The following CDKAL1 variants were observed in gnomAD, a reference collection of about 807,000 sequenced individuals.
The protein encoded by CDKAL1 is CDKAL1 threonylcarbamoyladenosine tRNA methylthiotransferase, also known as threonylcarbamoyladenosine tRNA methylthiotransferase.
CDKAL1 carries 32 observed loss-of-function variants against 68.2 expected under a neutral mutation model. The observed-to-expected ratio is 0.47, with a 90% confidence interval of 0.35 to 0.63. The LOEUF is 0.63. Ranked by LOEUF, CDKAL1 falls within the 30% of genes least tolerant of loss-of-function variation. The probability of loss-of-function intolerance (pLI) is 0.00; values close to 1 mark genes in which losing one functional copy is unlikely to be tolerated. For synonymous variants in CDKAL1, 234 were observed against 244.3 expected (o/e 0.96, Z 0.39); for missense variants, 606 against 696.7 (o/e 0.87, Z 1.47).
intron 8 of CDKAL1, among the ~76,000 whole-genome samples, chr6:20,837,211 A>G (rs1777985538): frequency 6.6e-6 from 1 of 152,214 alleles, no homozygotes; most frequent in African/African-American, 2.4e-5. Flanking sequence ...GACCCAAACA[A>G]TTTAAGTTTT....
chr6:20,821,605 A>G (rs956745900), intron 8 of CDKAL1, among the ~76,000 whole-genome samples: 2 of 131,156 alleles, frequency 1.5e-5, no homozygotes, highest in African/African-American at 3.0e-5. Flanking sequence ...GGATTTTTCT[A>G]TTTTGCTCTG....
At chr6:21,023,144 C>G (rs139728281) in intron 11 of CDKAL1, among the ~76,000 whole-genome samples, 2 of 141,338 alleles carry the variant, frequency 1.4e-5, no homozygotes, top group East Asian at 4.1e-4. Context: ...TTTTTTTTTA[C>G]CATTAGCCTT....
At chr6:21,087,533 G>C (rs577023180) in intron 12 of CDKAL1, among the ~76,000 whole-genome samples, 3 of 152,108 alleles carry the variant, frequency 2.0e-5, no homozygotes, top group African/African-American at 7.2e-5. Flanking sequence ...GGGTGTACAA[G>C]CTAGGACACC....
chr6:20,832,610 C>G (rs925964811), intron 8 of CDKAL1, among the ~76,000 whole-genome samples: 2 of 152,050 alleles, frequency 1.3e-5, no homozygotes, highest in African/African-American at 2.4e-5. Context: ...GAGCTGTGAT[C>G]ACGCCACTGC....
At chr6:21,004,097 C>T (rs146332337) in intron 11 of CDKAL1, among the ~76,000 whole-genome samples, 14 of 152,120 alleles carry the variant, frequency 9.2e-5, no homozygotes, top group Admixed American at 9.2e-4. Flanking sequence ...TTAAAAAATC[C>T]ATTTTTTAAG....
chr6:21,087,357 C>T (rs1301646419), intron 12 of CDKAL1, among the ~76,000 whole-genome samples: 1 of 152,092 alleles, frequency 6.6e-6, no homozygotes, highest in Admixed American at 6.6e-5. Context: ...TTGGAGATAG[C>T]ATCTAGTTCT....
chr6:20,971,339 C>T (rs1175004408), intron 10 of CDKAL1, among the ~76,000 whole-genome samples: 1 of 152,182 alleles, frequency 6.6e-6, no homozygotes, highest in Non-Finnish European at 1.5e-5. Context: ...CCGTGTCACA[C>T]CATCAGCATA....
At chr6:20,881,701 A>G (rs1760830642) in intron 9 of CDKAL1, among the ~76,000 whole-genome samples, 1 of 152,114 alleles carries the variant, frequency 6.6e-6, no homozygotes, top group Non-Finnish European at 1.5e-5. Flanking sequence ...CATATTTGTT[A>G]ACATGTTGCT....
At chr6:20,742,708 T>C (rs1773509932) in intron 6 of CDKAL1, among the ~76,000 whole-genome samples, 1 of 152,040 alleles carries the variant, frequency 6.6e-6, no homozygotes, top group South Asian at 2.1e-4. Flanking sequence ...AATTAGTATA[T>C]TTTGAAAAGT....
intron 10 of CDKAL1, among the ~76,000 whole-genome samples, chr6:20,960,228 A>G (rs980288130): frequency 1.3e-5 from 2 of 152,140 alleles, no homozygotes; most frequent in African/African-American, 2.4e-5. Context: ...TCCTGGGCTC[A>G]AGTGATCCTC....
intron 4 of CDKAL1, among the ~76,000 whole-genome samples, chr6:20,585,508 G>C (rs994765055): frequency 1.3e-5 from 2 of 152,228 alleles, no homozygotes; most frequent in Non-Finnish European, 2.9e-5. Flanking sequence ...CTCTACGGAG[G>C]CCCTTTTACT....
chr6:20,967,849 C>G (rs1016842743), intron 10 of CDKAL1, among the ~76,000 whole-genome samples: 1 of 152,168 alleles, frequency 6.6e-6, no homozygotes, highest in African/African-American at 2.4e-5. Flanking sequence ...ATTTCGTCTT[C>G]ATTTTTGAAG....
Position 20,721,725 on chromosome 6 carries a change from G to GTTTTTTTTTTTT in CDKAL1, c.372-17780_372-17769dup, listed in dbSNP as rs145893325. ...CTTCTCTGCACCCTGACCAACTTCTGTTTTTTTTTTTTTTTTTTTTTTTTT... is the reference window on the plus strand; with the variant it reads ...CTTCTCTGCACCCTGACCAACTTCTGTTTTTTTTTTTTTTTTTTTTTTTTTTTTTTTTTTTTT... On this transcript the variant is annotated intron_variant, in intron 5 of 15. Coordinates refer to ENST00000274695, the MANE Select transcript of CDKAL1 (RefSeq NM_017774.3). Among the ~76,000 whole-genome samples, 29 of 67,378 alleles carry GTTTTTTTTTTTT rather than the reference G, an allele frequency of 4.3e-4. 2 individuals carry two copies. Among genetic ancestry groups the GTTTTTTTTTTTT allele is most frequent in the Non-Finnish European group, 5.8e-4 (22 of 37,674 alleles). 44.2% of individuals were successfully genotyped at this position (67,378 alleles called of 152,430 possible).
chr6:20,909,358 C>T (rs1406154109), intron 9 of CDKAL1, among the ~76,000 whole-genome samples: 1 of 152,248 alleles, frequency 6.6e-6, no homozygotes, highest in South Asian at 2.1e-4. Context: ...ATGGGTCAGA[C>T]CGTCCAAAGA....
chr6:21,167,622 G>A lies in CDKAL1; in HGVS notation c.1300-30399G>A, dbSNP rs80180078. On this transcript the variant is annotated intron_variant, in intron 13 of 15. Coordinates refer to ENST00000274695, the MANE Select transcript of CDKAL1 (RefSeq NM_017774.3). Reference sequence around the variant, plus strand: ...GTATTCTATTCTTTGACCTTCCTTTGACACCTTAAGAATGCCCACTCTCAG... The same window carrying A: ...GTATTCTATTCTTTGACCTTCCTTTAACACCTTAAGAATGCCCACTCTCAG... Among the ~76,000 whole-genome samples the A allele has an allele frequency of 6.8e-3, 1,032 of 152,212 alleles. 4 individuals are homozygous for A. The highest frequency in any genetic ancestry group is 0.011 in the Non-Finnish European group (724 of 67,996).
At chr6:20,772,070 C>A (rs1774971028) in intron 7 of CDKAL1, among the ~76,000 whole-genome samples, 1 of 152,206 alleles carries the variant, frequency 6.6e-6, no homozygotes, top group South Asian at 2.1e-4. Flanking sequence ...TTATTGTTCT[C>A]ATTTTCCAGC....
At chr6:20,889,241 G>A (rs1020585982) in intron 9 of CDKAL1, among the ~76,000 whole-genome samples, 26 of 151,576 alleles carry the variant, frequency 1.7e-4, no homozygotes, top group Admixed American at 1.4e-3. Context: ...TTGTAAATTT[G>A]TTTGAGTTCA....
At chr6:20,902,151 C>T (rs1445854498) in intron 9 of CDKAL1, among the ~76,000 whole-genome samples, 2 of 152,162 alleles carry the variant, frequency 1.3e-5, no homozygotes, top group African/African-American at 4.8e-5. Flanking sequence ...TGAACTTTAT[C>T]TCAAGAACCT....
chr6:20,838,233 A>G (rs547575209), intron 8 of CDKAL1, among the ~76,000 whole-genome samples: 1 of 152,108 alleles, frequency 6.6e-6, no homozygotes, highest in Non-Finnish European at 1.5e-5. Context: ...TATTATGTAA[A>G]TAAAATCTCC....
Sources: gnomAD v4.1 joint callset for allele counts (sites outside exome capture counted in the v4.1 genomes callset) on GRCh38, gnomAD v4.1.1 for gene constraint, MANE v1.5 for transcripts, NCBI Gene and HGNC (gene_info 2026-07-23, HGNC 2026-07-21) for gene names.